The following PCBP3 variants were observed in gnomAD, a reference collection of about 807,000 sequenced individuals.
PCBP3 encodes poly(rC)-binding protein 3.
Under a neutral mutation model 52.7 loss-of-function variants are expected in PCBP3, and 25 were observed. The ratio of observed to expected loss-of-function variants is 0.47; its 90% CI spans 0.35 to 0.66. The LOEUF is 0.66. Among genes scored for constraint, PCBP3 ranks in the 30% least tolerant of loss-of-function variants. The pLI is 0.01. For synonymous variants in PCBP3, 162 were observed against 183.0 expected (o/e 0.89, Z 0.93); for missense variants, 391 against 490.3 (o/e 0.80, Z 1.91).
chr21:45,664,886 C>T (rs184899549), intron 1 of PCBP3, among the ~76,000 whole-genome samples: 11 of 150,456 alleles, frequency 7.3e-5, no homozygotes, highest in African/African-American at 1.7e-4. Context: ...TTTGTTCTTG[C>T]GATAGTTTAC....
intron 1 of PCBP3, among the ~76,000 whole-genome samples, chr21:45,665,235 C>A (rs555019021): frequency 2.0e-5 from 3 of 151,850 alleles, no homozygotes; most frequent in Admixed American, 6.6e-5. Flanking sequence ...GACCCCATAT[C>A]TACAAAAAAA....
At chr21:45,784,695 G>A (rs1028193111) in intron 4 of PCBP3, among the ~76,000 whole-genome samples, 3 of 152,234 alleles carry the variant, frequency 2.0e-5, no homozygotes, top group Admixed American at 6.5e-5. Context: ...GCTCCTGACC[G>A]CGAGTGATCC....
rs140035537 is a variant in PCBP3, at chr21:45,683,295, A to G, written c.-200+14343A>G. On this transcript the variant is annotated intron_variant, in intron 2 of 17. Coordinates refer to ENST00000681687, the MANE Select transcript of PCBP3 (RefSeq NM_001384156.1). ...CCACATTGCAGTAGGTTAAAGAAAG[A>G]ATAGGAAGGAATTGCAGATAATAAA... Among the ~76,000 whole-genome samples the G allele has an allele frequency of 4.1e-3, 624 of 152,288 alleles. 6 individuals carry two copies. The highest frequency in any genetic ancestry group is 2.7e-3 in the Non-Finnish European group (181 of 68,018).
At chr21:45,865,312 TAC>T (rs758225424) in intron 5 of PCBP3, among the ~76,000 whole-genome samples, 199 of 152,250 alleles carry the variant, frequency 1.3e-3, no homozygotes, top group Non-Finnish European at 2.3e-3. Context: ...TTTAAAAAAT[TAC>T]AAAATCGTAG....
At chr21:45,781,999 C>A (rs1390315936) in intron 4 of PCBP3, among the ~76,000 whole-genome samples, 1 of 152,110 alleles carries the variant, frequency 6.6e-6, no homozygotes, top group Non-Finnish European at 1.5e-5. Context: ...TCGTCAGTGC[C>A]GTTATGTGTA....
Position 45,680,196 on chromosome 21 carries a change from T to C in PCBP3, c.-200+11244T>C, listed in dbSNP as rs180891555. Reference sequence around the variant, plus strand: ...GCTCTTGTAAAAAATGTTTCAGTTATTCTAGTTTCTTTGCTTTTCCATATT... The same window carrying C: ...GCTCTTGTAAAAAATGTTTCAGTTACTCTAGTTTCTTTGCTTTTCCATATT... On this transcript the variant is annotated intron_variant, in intron 2 of 17. Transcript: ENST00000681687. 2.5e-3 allele frequency among the ~76,000 whole-genome samples: 379 copies of C among 152,330 alleles called. 1 individual carries two copies. Among genetic ancestry groups the C allele is most frequent in the Non-Finnish European group, 3.0e-3 (201 of 68,028 alleles).
In PCBP3 at chr21:45,904,184, C is replaced by T. The variant is rs558877064; in HGVS notation, c.339+3071C>T. 6.6e-6 allele frequency among the ~76,000 whole-genome samples: 1 copy of T among 152,210 alleles called. No individual in the cohort carries two copies. The highest frequency in any genetic ancestry group is 2.4e-5 in the African/African-American group (1 of 41,524). The stretch of plus-strand genomic sequence containing the variant: ...CTCTACAGTCATTTGTCATCTCTGC[C>T]GCAGCAGGGCAGAGTCGAGTATCAG... On this transcript the variant is annotated intron_variant, in intron 9 of 17. Transcript: ENST00000681687. The surrounding 1 kb of genome is among the most constrained non-coding windows in gnomAD (Gnocchi z 4.8).
intron 2 of PCBP3, among the ~76,000 whole-genome samples, chr21:45,695,835 CTT>C (rs1390186725): frequency 1.3e-5 from 2 of 152,034 alleles, no homozygotes; most frequent in Non-Finnish European, 2.9e-5. Context: ...AATCCCAGCA[CTT>C]TGGGAGGCCG....
At chr21:45,920,803 A>G (rs1422588262) in intron 13 of PCBP3, among the ~76,000 whole-genome samples, 2 of 152,184 alleles carry the variant, frequency 1.3e-5, no homozygotes, top group East Asian at 1.9e-4. Flanking sequence ...GGCCCTTCCC[A>G]TACACCAAAC....
intron 4 of PCBP3, among the ~76,000 whole-genome samples, chr21:45,766,154 A>G (rs1427166392): frequency 2.0e-5 from 3 of 152,252 alleles, no homozygotes; most frequent in Non-Finnish European, 4.4e-5. Context: ...GGCATTGACC[A>G]GCCATCCTTA....
chr21:45,860,937 T>A (rs943322871), intron 5 of PCBP3, among the ~76,000 whole-genome samples: 11 of 152,192 alleles, frequency 7.2e-5, no homozygotes, highest in African/African-American at 2.7e-4. Flanking sequence ...CCGAGGCTGC[T>A]GGCAGTGACC....
chr21:45,888,379 T>C (rs1345346157), intron 5 of PCBP3, among the ~76,000 whole-genome samples: 1 of 152,250 alleles, frequency 6.6e-6, no homozygotes, highest in Non-Finnish European at 1.5e-5. Flanking sequence ...TGGATTTCAG[T>C]CTGCTCCTTG....
chr21:45,768,281 C>T (rs987005708), intron 4 of PCBP3, among the ~76,000 whole-genome samples: 3 of 152,244 alleles, frequency 2.0e-5, no homozygotes, highest in Admixed American at 6.5e-5. Flanking sequence ...CGTTTCTCAG[C>T]GAAAGCACTT....
At chr21:45,761,302 TC>T (rs2088633823) in intron 4 of PCBP3, 1 of 152,242 alleles carries the variant, frequency 6.6e-6, no homozygotes, top group African/African-American at 2.4e-5. Flanking sequence ...TTCTTTCCGC[TC>T]CATGGTCATT....
At chr21:45,850,220 A>G (rs2093941127) in intron 5 of PCBP3, 125 bp downstream of exon 5, 2 of 804,586 alleles carry the variant, frequency 2.5e-6, no homozygotes, top group Admixed American at 4.0e-5. Context: ...ACCCTGCTTC[A>G]GTCCACAATG....
intron 16 of PCBP3, among the ~76,000 whole-genome samples, chr21:45,939,605 G>T (rs1468665958): frequency 6.6e-6 from 1 of 152,244 alleles, no homozygotes; most frequent in Non-Finnish European, 1.5e-5. Context: ...GGCAGAAGGG[G>T]TCTCCCTGGG....
chr21:45,907,197 C>A (rs1258085410), intron 9 of PCBP3, among the ~76,000 whole-genome samples: 1 of 152,230 alleles, frequency 6.6e-6, no homozygotes, highest in Non-Finnish European at 1.5e-5. Context: ...CATGAGTGTG[C>A]TTGTTGGGTG....
At position 45,821,995 on chromosome 21, in the gene PCBP3, G is replaced by A. The variant is rs1011123898; in HGVS notation, c.-125-27966G>A. Among the ~76,000 whole-genome samples the A allele has an allele frequency of 5.9e-5, 9 of 152,194 alleles. No individual in the cohort carries two copies. Among genetic ancestry groups the A allele is most frequent in the Admixed American group, 5.9e-4 (9 of 15,282 alleles). On this transcript the variant is annotated intron_variant, in intron 4 of 17. Coordinates refer to ENST00000681687, the MANE Select transcript of PCBP3 (RefSeq NM_001384156.1). This position sits in a 1 kb window ranked among gnomAD's most constrained non-coding sequence, Gnocchi z 4.4. The stretch of plus-strand genomic sequence containing the variant: ...TATTTATCAGACCCCAAAATCATGA[G>A]CCTTGAGAAATGATATTCCACATGC...
chr21:45,691,692 T>C (rs2082492633), intron 2 of PCBP3, among the ~76,000 whole-genome samples: 1 of 152,042 alleles, frequency 6.6e-6, no homozygotes, highest in Admixed American at 6.6e-5. Flanking sequence ...ATATGAGCTA[T>C]AACAACCCTT....
Sources: gnomAD v4.1 joint callset for allele counts (sites outside exome capture counted in the v4.1 genomes callset) on GRCh38, gnomAD v4.1.1 for gene constraint, Gnocchi (gnomAD v3.1) non-coding constraint, MANE v1.5 for transcripts, NCBI Gene and HGNC (gene_info 2026-07-23, HGNC 2026-07-21) for gene names.